Variants in ZNF106 observed in about 807,000 individuals in gnomAD.
The protein encoded by ZNF106 is SH3-domain binding protein 3.
Under a neutral mutation model 195.1 loss-of-function variants are expected in ZNF106, and 67 were observed. The ratio of observed to expected loss-of-function variants is 0.34; its 90% confidence interval spans 0.28 to 0.42. ZNF106 has a LOEUF of 0.42. ZNF106 is among the 10% of genes least tolerant of loss of function. The pLI is 1.00. For missense variants in ZNF106, 2,118 were observed against 2,304.5 expected, an observed-to-expected ratio of 0.92 and a Z score of 1.66; for synonymous variants, 784 against 818.6, an observed-to-expected ratio of 0.96 and a Z score of 0.72.
chr15:42,436,586 CT>C (rs1330343989), intron 13 of ZNF106, among the ~76,000 whole-genome samples: 3 of 152,144 alleles, frequency 2.0e-5, no homozygotes, highest in African/African-American at 7.2e-5. Context: ...ATTTCTTAAG[CT>C]TTCATTGTTC....
intron 1 of ZNF106, among the ~76,000 whole-genome samples, chr15:42,483,238 T>C (rs1410231076): frequency 3.3e-5 from 5 of 152,198 alleles, no homozygotes; most frequent in African/African-American, 4.8e-5. Context: ...ATAATAGTTG[T>C]TATCTGTGGG....
intron 10 of ZNF106, 86 bp downstream of exon 10, chr15:42,441,987 T>TG: frequency 9.3e-7 from 1 of 1,074,556 alleles, no homozygotes; most frequent in Non-Finnish European, 1.3e-6. Context: ...TTAGTTTTAA[T>TG]GAGCAAGTAT....
rs936498685 is a variant in ZNF106 at position 42,451,117 on chromosome 15, C to T, written c.1155G>A (p.Ser385=). 7.4e-6 allele frequency: 12 copies of T among 1,614,006 alleles called. No homozygotes were observed. Among genetic ancestry groups the T allele is most frequent in the South Asian group, 2.2e-5 (2 of 91,080 alleles). ...YPSQKTLDLQ[S]GLKDITGNKS... The stretch of plus-strand genomic sequence containing the variant: ...TGTTACCAGTGATGTCTTTCAATCC[C>T]GACTGTAAATCCAGAGTCTTCTGAG... Residue 385 remains serine, a synonymous_variant, in exon 5 of 22, where the codon TCG becomes TCA. Coordinates refer to ENST00000564754, the MANE Select transcript of ZNF106 (RefSeq NM_001366845.3).
chr15:42,485,455 A>G (rs2056991448), intron 1 of ZNF106, among the ~76,000 whole-genome samples: 2 of 152,190 alleles, frequency 1.3e-5, no homozygotes, highest in Admixed American at 1.3e-4. Flanking sequence ...GTCCATGAAG[A>G]CTTCGTATGT....
At chr15:42,455,726 T>C (rs1398683154) in intron 4 of ZNF106, among the ~76,000 whole-genome samples, 3 of 152,176 alleles carry the variant, frequency 2.0e-5, no homozygotes, top group South Asian at 4.1e-4. Context: ...TTCCTTTTTA[T>C]AGTTAAGCCT....
At chr15:42,457,426 G>A in intron 3 of ZNF106, 2 of 1,340,626 alleles carry the variant, frequency 1.5e-6, no homozygotes, top group Non-Finnish European at 1.9e-6. Context: ...TTGAATTGCT[G>A]TACTTAAAAT....
At chr15:42,441,051 T>G (rs2055515193) in intron 10 of ZNF106, among the ~76,000 whole-genome samples, 1 of 92,780 alleles carries the variant, frequency 1.1e-5, no homozygotes, top group Non-Finnish European at 2.1e-5. Context: ...ATATATATGC[T>G]AAGTCACGCG....
At chr15:42,464,941 A>C (rs553484631) in intron 3 of ZNF106, among the ~76,000 whole-genome samples, 32 of 152,256 alleles carry the variant, frequency 2.1e-4, no homozygotes, top group African/African-American at 7.2e-4. Flanking sequence ...GCCATGTAAG[A>C]TGTAACTCTG....
chr15:42,444,502 T>C (rs1341471285), intron 8 of ZNF106, among the ~76,000 whole-genome samples: 1 of 152,246 alleles, frequency 6.6e-6, no homozygotes, highest in Non-Finnish European at 1.5e-5. Flanking sequence ...GCCCTGGCCC[T>C]GAGCCAAATT....
Position 42,422,635 on chromosome 15 carries a change from A to G in ZNF106, c.5254-15T>C. ...AGCTCACCAGTCTATGTCAGAAGAG[A>G]AGTAAGAGTCACCAGACTGACTTTC... On this transcript the variant is annotated splice_polypyrimidine_tract_variant and intron_variant, in intron 17 of 21. Coordinates refer to ENST00000564754, the MANE Select transcript of ZNF106 (RefSeq NM_001366845.3). 2 of 1,592,724 alleles carry G rather than the reference A, an allele frequency of 1.3e-6. No homozygotes were observed. Among genetic ancestry groups the G allele is most frequent in the Non-Finnish European group, 1.7e-6 (2 of 1,171,966 alleles).
intron 10 of ZNF106, among the ~76,000 whole-genome samples, chr15:42,440,497 T>A (rs918326708): frequency 6.6e-6 from 1 of 152,166 alleles, no homozygotes; most frequent in African/African-American, 2.4e-5. Context: ...AAAATCATTA[T>A]ATATTAAATG....
At chr15:42,430,373 GATTT>G (rs1400340334) in intron 14 of ZNF106, among the ~76,000 whole-genome samples, 1 of 151,754 alleles carries the variant, frequency 6.6e-6, no homozygotes, top group African/African-American at 2.4e-5. Context: ...TATGTTTAGG[GATTT>G]ACTTATGTAT....
chr15:42,438,682 CAA>C lies in ZNF106; in HGVS notation c.4545-17_4545-16del, dbSNP rs765601018. 6.2e-7 allele frequency: 1 copy of C among 1,612,294 alleles called. No individual in the cohort carries two copies. The highest frequency in any genetic ancestry group is 1.3e-5 in the African/African-American group (1 of 74,974). On this transcript the variant is annotated splice_polypyrimidine_tract_variant and intron_variant, in intron 11 of 21. Coordinates refer to ENST00000564754, the MANE Select transcript of ZNF106 (RefSeq NM_001366845.3). Reference sequence around the variant, plus strand: ...TTTCTGCCACACTACAAAATAATAGCAAAAGTGTTCTCAGCATCTGTGTGAAC... The same window carrying C: ...TTTCTGCCACACTACAAAATAATAGCAAGTGTTCTCAGCATCTGTGTGAAC...
chr15:42,422,090 C>T (rs1020287226), intron 18 of ZNF106, 102 bp from the exon 19 acceptor site: 87 of 906,080 alleles, frequency 9.6e-5, no homozygotes, highest in Admixed American at 5.3e-4. Flanking sequence ...ACACCTGAGG[C>T]GCCAAGTGGA....
chr15:42,472,180 C>T, intron 2 of ZNF106, 56 bp downstream of exon 2: 1 of 1,458,024 alleles, frequency 6.9e-7, no homozygotes, highest in Non-Finnish European at 9.2e-7. Context: ...CTATTAATAA[C>T]ATGTCTCTTT....
chr15:42,490,260 G>A (rs1420274880), intron 1 of ZNF106: 1 of 151,670 alleles, frequency 6.6e-6, no homozygotes, highest in African/African-American at 2.4e-5. Flanking sequence ...TTTGTGCTTT[G>A]AATAAACTGG....
At chr15:42,452,681 C>CTTTTTTT (rs1322441388) in intron 4 of ZNF106, among the ~76,000 whole-genome samples, 3 of 101,900 alleles carry the variant, frequency 2.9e-5, no homozygotes, top group African/African-American at 1.2e-4. Flanking sequence ...CTATAGTTAT[C>CTTTTTTT]TTTTTTTTTT....
rs1434880943 is a variant in ZNF106, at chr15:42,489,970, C to T, written c.-33+1010G>A. Among the ~76,000 whole-genome samples, 7 of 152,024 alleles carry T rather than the reference C, an allele frequency of 4.6e-5. No individual in the cohort carries two copies. In the East Asian group the frequency reaches 9.6e-4, roughly 21 times the overall value. On this transcript the variant is annotated intron_variant, in intron 1 of 21. Transcript: ENST00000564754. ...AGGAGAATCTCTTGAAACTGGAAGGCGGAGGTTGCAGTGAGCCAAGATCCC... is the reference window on the plus strand; with the variant it reads ...AGGAGAATCTCTTGAAACTGGAAGGTGGAGGTTGCAGTGAGCCAAGATCCC...
intron 12 of ZNF106, 143 bp from the exon 13 acceptor site, chr15:42,437,520 T>C: frequency 1.1e-6 from 1 of 950,496 alleles, no homozygotes; most frequent in South Asian, 1.9e-5. Context: ...ATCAGACTAC[T>C]ACAATTTTCA....
Sources: allele counts gnomAD v4.1 joint callset (sites outside exome capture counted in the v4.1 genomes callset), GRCh38; gene constraint gnomAD v4.1.1; transcripts MANE v1.5; gene names NCBI Gene and HGNC (gene_info 2026-07-23, HGNC 2026-07-21).